Variants in NCOR2 observed in about 807,000 individuals in gnomAD.
The protein encoded by NCOR2 is CTG repeat protein 26.
In NCOR2, 81 loss-of-function variants were observed where a neutral mutation model predicts 262.9. The ratio of observed to expected loss-of-function variants is 0.31; its 90% CI spans 0.26 to 0.37. The LOEUF (loss-of-function observed/expected upper bound fraction) is 0.37. Ranked by LOEUF, NCOR2 falls within the 10% of genes least tolerant of loss-of-function variation. NCOR2 has a pLI of 1.00. For missense variants in NCOR2, 3,385 were observed against 3,621.4 expected (o/e 0.93, Z 1.68); for synonymous variants, 1,659 against 1,559.3 (o/e 1.06, Z -1.51).
Position 124,357,667 on chromosome 12 carries a change from G to A in NCOR2, c.3101-885C>T, listed in dbSNP as rs77792124. On this transcript the variant is annotated intron_variant, in intron 22 of 46. Transcript: ENST00000405201. ...TCTGTGCATTTATGTATTGTCTATGGCAGAGCTGAATCCTTGCAACAGAGA... is the reference window on the plus strand; with the variant it reads ...TCTGTGCATTTATGTATTGTCTATGACAGAGCTGAATCCTTGCAACAGAGA... Among the ~76,000 whole-genome samples, 128 of 152,378 alleles carry A rather than the reference G, an allele frequency of 8.4e-4. 2 individuals are homozygous for A. The East Asian group carries it at 0.014, about 16-fold the overall frequency.
intron 16 of NCOR2, chr12:124,388,870 GA>G: frequency 6.4e-6 from 4 of 629,398 alleles, no homozygotes; most frequent in South Asian, 5.5e-5. Context: ...CACGGTGAGG[GA>G]GGGAGGGAGG....
chr12:124,444,775 C>G (rs2045038662), intron 7 of NCOR2, among the ~76,000 whole-genome samples: 1 of 152,018 alleles, frequency 6.6e-6, no homozygotes, highest in Non-Finnish European at 1.5e-5. Context: ...TCACTGAGCG[C>G]CAACCAAAAG....
Position 124,432,154 on chromosome 12 carries a change from G to A in NCOR2, c.883-1367C>T, listed in dbSNP as rs1003538633. Among the ~76,000 whole-genome samples the A allele has an allele frequency of 6.6e-6, 1 of 151,512 alleles. No homozygotes were observed. Among genetic ancestry groups the A allele is most frequent in the African/African-American group, 2.4e-5 (1 of 41,204 alleles). ...CACAGTCGCAGGCAGACAAACAGAT[G>A]CACACACAGGGTCTCGCAGGCAGAC... On this transcript the variant is annotated intron_variant, in intron 8 of 46. Coordinates refer to ENST00000405201, the Ensembl canonical transcript of NCOR2. This position sits in a 1 kb window ranked among gnomAD's most constrained non-coding sequence, Gnocchi z 5.1.
At chr12:124,392,060 G>A (rs547316013) in intron 16 of NCOR2, among the ~76,000 whole-genome samples, 126 of 152,324 alleles carry the variant, frequency 8.3e-4, no homozygotes, top group Non-Finnish European at 1.5e-3. Context: ...ACACACGCGT[G>A]TGGAGGGCCT....
chr12:124,490,620 G>A (rs1175559358), intron 1 of NCOR2, among the ~76,000 whole-genome samples: 1 of 150,082 alleles, frequency 6.7e-6, no homozygotes, highest in East Asian at 1.9e-4. Context: ...TGAAGCTAAT[G>A]GAGAGACCCC....
chr12:124,534,994 G>A (rs191928280), intron 1 of NCOR2, among the ~76,000 whole-genome samples: 43 of 152,294 alleles, frequency 2.8e-4, no homozygotes, highest in African/African-American at 9.4e-4. Context: ...TTGCCTCCCC[G>A]CCCAGTCTAC....
At chr12:124,329,762 T>C (rs929908324) in intron 44 of NCOR2, among the ~76,000 whole-genome samples, 3 of 152,064 alleles carry the variant, frequency 2.0e-5, no homozygotes, top group African/African-American at 7.2e-5. Context: ...ATACAAAATA[T>C]TTATATATAA....
chr12:124,498,248 G>A (rs148612183), upstream of NCOR2, among the ~76,000 whole-genome samples: 469 of 152,268 alleles, frequency 3.1e-3, 5 homozygotes, highest in African/African-American at 0.011. Flanking sequence ...GCTGCCTGGG[G>A]GTGACAGGCC....
At position 124,339,927 on chromosome 12, in the gene NCOR2, A is replaced by G. The variant is rs2036310462; in HGVS notation, c.5687+79T>C. On this transcript the variant is annotated intron_variant, in intron 37 of 46. Transcript: ENST00000405201. ...CCCACCTCCCATATACCTCCCACCA[A>G]GCATCCTCTTATCTGCTCATCCTCC... is the stretch of plus-strand genomic sequence containing the variant. 2.2e-6 allele frequency: 3 copies of G among 1,344,692 alleles called. No homozygotes were observed. The African/African-American group carries it at 4.6e-5, about 21-fold the overall frequency. 83.3% of individuals were successfully genotyped at this position (1,344,692 alleles called of 1,614,324 possible).
chr12:124,506,360 C>G (rs908448963), intron 1 of NCOR2, among the ~76,000 whole-genome samples: 1 of 152,058 alleles, frequency 6.6e-6, no homozygotes, highest in African/African-American at 2.4e-5. Context: ...TCGGAGCCTC[C>G]GAGGAGGCCC....
At chr12:124,365,030 G>A (rs1460793859) in intron 20 of NCOR2, among the ~76,000 whole-genome samples, 1 of 150,846 alleles carries the variant, frequency 6.6e-6, no homozygotes, top group African/African-American at 2.4e-5. Flanking sequence ...TATGGAGGTG[G>A]CCTGGCCTGC....
exon 41 of NCOR2, chr12:124,334,591 C>T: frequency 2.1e-6 from 3 of 1,406,512 alleles, no homozygotes; most frequent in African/African-American, 3.0e-5. Context: ...GTGGGTGGTG[C>T]CGGGTGTAGT....
chr12:124,551,465 G>C (rs1479824174), intron 1 of NCOR2, among the ~76,000 whole-genome samples: 1 of 152,230 alleles, frequency 6.6e-6, no homozygotes, highest in East Asian at 1.9e-4. Context: ...GTGGCCTCCA[G>C]GAAGGGGGCT....
chr12:124,334,047 C>T (rs988876686), intron 41 of NCOR2, among the ~76,000 whole-genome samples: 1 of 110,974 alleles, frequency 9.0e-6, no homozygotes, highest in Admixed American at 1.1e-4. Context: ...GCTCTCTAAT[C>T]ATACAGCCCT....
chr12:124,340,562 G>A (rs762355958), intron 35 of NCOR2, 40 bp downstream of exon 37: 14 of 1,517,466 alleles, frequency 9.2e-6, no homozygotes, highest in Non-Finnish European at 1.2e-5. Context: ...GCCTCCCATG[G>A]ATGCCGGGGT....
chr12:124,395,451 T>C (rs1410370777), intron 16 of NCOR2, among the ~76,000 whole-genome samples: 1 of 152,152 alleles, frequency 6.6e-6, no homozygotes, highest in African/African-American at 2.4e-5. Flanking sequence ...ACGACATTAT[T>C]ACAAATGTCA....
At chr12:124,494,212 G>A (rs1416173993) in intron 1 of NCOR2, among the ~76,000 whole-genome samples, 1 of 150,546 alleles carries the variant, frequency 6.6e-6, no homozygotes, top group Admixed American at 6.6e-5. Context: ...CACCAGCCAG[G>A]CAGGACAGAC....
At chr12:124,333,087 T>G (rs368672229) in intron 42 of NCOR2, 43 bp downstream of exon 44, 1 of 1,556,014 alleles carries the variant, frequency 6.4e-7, no homozygotes, top group Non-Finnish European at 8.7e-7. Context: ...GGGCAAGGGA[T>G]ACCAGAGCAT....
intron 3 of NCOR2, 66 bp from the exon 6 acceptor site, chr12:124,473,197 T>C (rs1256855481): frequency 1.1e-5 from 17 of 1,567,046 alleles, no homozygotes; most frequent in Non-Finnish European, 1.4e-5. Context: ...TACAACCCTG[T>C]GATGGTTAAT....
Sources: gnomAD v4.1 joint callset for allele counts (sites outside exome capture counted in the v4.1 genomes callset) on GRCh38, gnomAD v4.1.1 for gene constraint, Gnocchi (gnomAD v3.1) non-coding constraint, MANE v1.5 for transcripts, NCBI Gene and HGNC (gene_info 2026-07-23, HGNC 2026-07-21) for gene names.